The following NFILZ variants were observed in gnomAD, a reference collection of about 807,000 sequenced individuals.
NFILZ encodes NFIL3 like protein.
intron 3 of NFILZ, among the ~76,000 whole-genome samples, chr19:8,651,572 C>G (rs1304273627): frequency 6.6e-6 from 1 of 152,140 alleles, no homozygotes; most frequent in African/African-American, 2.4e-5. Context: ...CGCTCTGTTG[C>G]TCAGGCTGGA....
At chr19:8,671,913 C>T (rs538623412) in intron 3 of NFILZ, among the ~76,000 whole-genome samples, 50 of 152,268 alleles carry the variant, frequency 3.3e-4, no homozygotes, top group African/African-American at 1.2e-3. Context: ...GGGGTCTTGT[C>T]TGGGGCTCAG....
chr19:8,656,350 T>TTCTCCCGCAGCCCAC (rs1600147418), intron 3 of NFILZ, among the ~76,000 whole-genome samples: 14 of 103,936 alleles, frequency 1.3e-4, no homozygotes, highest in East Asian at 2.5e-4. Context: ...GAAGCCCACC[T>TTCTCCCGCAGCCCAC]CTTCCCTGAA....
At chr19:8,648,244 T>G (rs1215917535) in intron 3 of NFILZ, among the ~76,000 whole-genome samples, 1 of 144,160 alleles carries the variant, frequency 6.9e-6, no homozygotes, top group East Asian at 2.1e-4. Context: ...GGTTGACAGG[T>G]GCAGCAAACC....
rs369584632 is a variant in NFILZ at position 8,678,576 on chromosome 19, C to T, written c.*941C>T. Among the ~76,000 whole-genome samples the T allele has an allele frequency of 6.6e-5, 10 of 151,728 alleles. No individual in the cohort carries two copies. In the East Asian group the frequency reaches 7.8e-4, roughly 12 times the overall value. On this transcript the variant is annotated 3_prime_UTR_variant, in exon 6 of 6. Coordinates refer to ENST00000691075, the MANE Select transcript of NFILZ (RefSeq NM_001378600.1). ...CCATCCATCCATCCTCATCCATTCC[C>T]ATTCATCCATCCATCCTGTCTTCCT...
chr19:8,656,166 CGTT>C (rs2042991321), intron 3 of NFILZ, among the ~76,000 whole-genome samples: 2 of 151,806 alleles, frequency 1.3e-5, no homozygotes, highest in African/African-American at 2.4e-5. Flanking sequence ...TCCATAGCCA[CGTT>C]CTCCCTACAG....
Position 8,645,300 on chromosome 19 carries a change from A to ATT in NFILZ, c.-164+9572_-164+9573dup, listed in dbSNP as rs35280185. 6.4e-3 allele frequency among the ~76,000 whole-genome samples: 758 copies of ATT among 118,058 alleles called. 4 individuals carry two copies. The highest frequency in any genetic ancestry group is 0.016 in the Middle Eastern group (3 of 190). The allele number at this position is 118,058 out of a possible 152,430, so 77.5% of individuals were successfully genotyped here. On this transcript the variant is annotated intron_variant, in intron 3 of 5. Transcript: ENST00000691075. ...ATGTTTGCACCACCACACCTGGGTGATTTTTTTTTTTTTTTTTTTAAGATA... is the reference window on the plus strand; with the variant it reads ...ATGTTTGCACCACCACACCTGGGTGATTTTTTTTTTTTTTTTTTTTTAAGATA...
rs370491507 is a variant in NFILZ at position 8,654,710 on chromosome 19, G to T, written c.-164+18964G>T. On this transcript the variant is annotated intron_variant, in intron 3 of 5. Coordinates refer to ENST00000691075, the MANE Select transcript of NFILZ (RefSeq NM_001378600.1). ...CTGTTGAATCAACCAATGAAGGAGG[G>T]TGCAGTTCCATACAGCGCCCACCAG... 2.0e-4 allele frequency among the ~76,000 whole-genome samples: 30 copies of T among 152,054 alleles called. No homozygotes were observed. The East Asian group carries it at 4.4e-3, about 23-fold the overall frequency.
intron 4 of NFILZ, among the ~76,000 whole-genome samples, chr19:8,675,088 C>G (rs782183650): frequency 1.3e-5 from 2 of 152,122 alleles, no homozygotes; most frequent in African/African-American, 2.4e-5. Context: ...TATTTACCAC[C>G]TGCTATTTAC....
chr19:8,656,474 TTCTCCCGCAGCCCAC>T (rs1341809115), intron 3 of NFILZ, among the ~76,000 whole-genome samples: 3 of 71,916 alleles, frequency 4.2e-5, no homozygotes, highest in African/African-American at 6.7e-5. Flanking sequence ...GAAGCCCACC[TTCTCCCGCAGCCCAC>T]CTTCTCCCGC....
At chr19:8,671,010 A>C (rs2043084304) in intron 3 of NFILZ, among the ~76,000 whole-genome samples, 1 of 148,812 alleles carries the variant, frequency 6.7e-6, no homozygotes, top group Non-Finnish European at 1.5e-5. Context: ...AAAAAAAAAA[A>C]AGATTTCCAG....
intron 3 of NFILZ, among the ~76,000 whole-genome samples, chr19:8,640,288 G>A (rs1186531095): frequency 1.4e-5 from 2 of 144,900 alleles, no homozygotes; most frequent in African/African-American, 5.1e-5. Context: ...TCTGGCCAAT[G>A]TAGCAAGAAC....
At chr19:8,648,584 G>A (rs1461748604) in intron 3 of NFILZ, among the ~76,000 whole-genome samples, 1 of 152,124 alleles carries the variant, frequency 6.6e-6, no homozygotes, top group African/African-American at 2.4e-5. Flanking sequence ...TTGGGAGGCC[G>A]AGGCTGGCAG....
chr19:8,636,332 C>T (rs900491050), intron 3 of NFILZ, among the ~76,000 whole-genome samples: 13 of 151,022 alleles, frequency 8.6e-5, no homozygotes, highest in South Asian at 4.2e-4. Context: ...CCTGTAGTCC[C>T]AGCTACTTGG....
At chr19:8,662,363 G>A (rs1034540830) in intron 3 of NFILZ, among the ~76,000 whole-genome samples, 1 of 152,056 alleles carries the variant, frequency 6.6e-6, no homozygotes, top group East Asian at 1.9e-4. Context: ...GGCTTGCTGA[G>A]GAGGTGACAT....
At position 8,680,976 on chromosome 19, in the gene NFILZ, G is replaced by A. The variant is rs561636723; in HGVS notation, c.*3341G>A. On this transcript the variant is annotated 3_prime_UTR_variant, in exon 6 of 6. Transcript: ENST00000691075. ...AGAGGGAGGAGGCGAGGGCAGGGAG[G>A]TGATGGAAGCAGGTTGTGGAGGACT... is the stretch of plus-strand genomic sequence containing the variant. 1.3e-3 allele frequency among the ~76,000 whole-genome samples: 193 copies of A among 152,178 alleles called. No homozygotes were observed. Among genetic ancestry groups the A allele is most frequent in the Non-Finnish European group, 2.3e-3 (155 of 68,016 alleles).
rs924204293 is a variant in NFILZ, at chr19:8,679,675, T to G, written c.*2040T>G. 2.0e-5 allele frequency among the ~76,000 whole-genome samples: 3 copies of G among 152,084 alleles called. No individual in the cohort carries two copies. The highest frequency in any genetic ancestry group is 4.4e-5 in the Non-Finnish European group (3 of 68,012). On this transcript the variant is annotated 3_prime_UTR_variant, in exon 6 of 6. Coordinates refer to ENST00000691075, the MANE Select transcript of NFILZ (RefSeq NM_001378600.1). ...CTCCTCTACTTGCTCAGCCTTTGGT[T>G]CTGGTCCAGGGCAGGGATTGGGCAA...
rs1600151826 is a variant in NFILZ at position 8,663,726 on chromosome 19, G to GTGTGTGTGTGTATGTGTGTGTGTGTGTA, written c.-163-10814_-163-10813insATGTGTGTGTGTGTGTATGTGTGTGTGT. Among the ~76,000 whole-genome samples, 187 of 84,084 alleles carry GTGTGTGTGTGTATGTGTGTGTGTGTGTA rather than the reference G, an allele frequency of 2.2e-3. 4 individuals are homozygous for GTGTGTGTGTGTATGTGTGTGTGTGTGTA. The highest frequency in any genetic ancestry group is 4.7e-3 in the Middle Eastern group (1 of 214). 55.2% of individuals were successfully genotyped at this position (84,084 alleles called of 152,430 possible). On this transcript the variant is annotated intron_variant, in intron 3 of 5. Transcript: ENST00000691075. Reference sequence around the variant, plus strand: ...AGGTGTGGTGTGTGTGTGTGTTTGTGTGTGTGTGTGTGTGTGTGTGTGTGT... The same window carrying GTGTGTGTGTGTATGTGTGTGTGTGTGTA: ...AGGTGTGGTGTGTGTGTGTGTTTGTGTGTGTGTGTGTATGTGTGTGTGTGTGTATGTGTGTGTGTGTGTGTGTGTGTGT...
At chr19:8,662,966 G>C (rs1387454273) in intron 3 of NFILZ, among the ~76,000 whole-genome samples, 2 of 141,840 alleles carry the variant, frequency 1.4e-5, no homozygotes, top group Non-Finnish European at 3.0e-5. Context: ...TTTTTTTTAA[G>C]AGACAGCGTC....
rs1322216334 is a variant in NFILZ at position 8,680,749 on chromosome 19, G to A, written c.*3114G>A. On this transcript the variant is annotated 3_prime_UTR_variant, in exon 6 of 6. Transcript: ENST00000691075. ...ATAGGGAGATCAGGATTGAAATAGG[G>A]GGATCTCAGCCTTGCTGAGAAAGTG... Among the ~76,000 whole-genome samples the A allele has an allele frequency of 1.3e-5, 2 of 152,168 alleles. No individual in the cohort carries two copies. Among genetic ancestry groups the A allele is most frequent in the African/African-American group, 4.8e-5 (2 of 41,424 alleles).
Sources: allele counts gnomAD v4.1 joint callset (sites outside exome capture counted in the v4.1 genomes callset), GRCh38; gene constraint gnomAD v4.1.1; transcripts MANE v1.5; gene names NCBI Gene and HGNC (gene_info 2026-07-23, HGNC 2026-07-21).